FRMD6: variants seen among roughly 807,000 people sequenced by gnomAD.
FRMD6 encodes the protein FERM domain-containing protein 6.
In FRMD6, 37 loss-of-function variants were observed where a neutral mutation model predicts 73.2. That is an observed-to-expected ratio of 0.51 (90% CI 0.39 to 0.66). The LOEUF (loss-of-function observed/expected upper bound fraction) is 0.66. Among genes scored for constraint, FRMD6 ranks in the 30% least tolerant of loss-of-function variants. The pLI is 0.00. For synonymous variants in FRMD6, 273 were observed against 282.2 expected, an observed-to-expected ratio of 0.97 and a Z score of 0.33; for missense variants, 714 against 780.5, an observed-to-expected ratio of 0.91 and a Z score of 1.02.
At chr14:51,688,506 C>A (rs1296640730) in intron 1 of FRMD6, among the ~76,000 whole-genome samples, 5 of 151,996 alleles carry the variant, frequency 3.3e-5, no homozygotes, top group African/African-American at 1.2e-4. Flanking sequence ...GCAAATCGGC[C>A]AAGATTCTAT....
chr14:51,552,745 A>G (rs1203073256), intron 1 of FRMD6, among the ~76,000 whole-genome samples: 1 of 152,232 alleles, frequency 6.6e-6, no homozygotes, highest in Admixed American at 6.5e-5. Flanking sequence ...CAAGCAAAAC[A>G]AAATCCACCT....
At chr14:51,551,454 A>G (rs1886829635) in intron 1 of FRMD6, among the ~76,000 whole-genome samples, 1 of 152,184 alleles carries the variant, frequency 6.6e-6, no homozygotes, top group Non-Finnish European at 1.5e-5. Flanking sequence ...TTTATATATG[A>G]CCCAGCACAG....
intron 2 of FRMD6, among the ~76,000 whole-genome samples, chr14:51,585,957 A>ATATATATATATATATATC: frequency 2.8e-5 from 1 of 35,172 alleles, no homozygotes; most frequent in African/African-American, 6.2e-5. Context: ...ATATATATAT[A>ATATATATATATATATATC]TATAACATTT....
intron 2 of FRMD6, among the ~76,000 whole-genome samples, chr14:51,619,769 G>A (rs974775556): frequency 5.2e-4 from 79 of 152,260 alleles, no homozygotes; most frequent in African/African-American, 1.9e-3. Context: ...ATGCTTTTTG[G>A]AATATCTGAC....
intron 1 of FRMD6, among the ~76,000 whole-genome samples, chr14:51,510,168 T>A (rs1884218607): frequency 6.6e-6 from 1 of 152,200 alleles, no homozygotes; most frequent in African/African-American, 2.4e-5. Flanking sequence ...TTATGGAGTG[T>A]CTCCTACAAT....
chr14:51,536,409 AATTT>A (rs958035009), intron 1 of FRMD6, among the ~76,000 whole-genome samples: 16 of 151,504 alleles, frequency 1.1e-4, no homozygotes, highest in Admixed American at 2.0e-4. Flanking sequence ...CCATATTTTT[AATTT>A]ATTTATTTAT....
intron 1 of FRMD6, among the ~76,000 whole-genome samples, chr14:51,546,414 T>TA (rs397970617): frequency 5.3e-5 from 8 of 150,962 alleles, no homozygotes; most frequent in Non-Finnish European, 7.4e-5. Context: ...TTTCTTTTTT[T>TA]AAATAGTTCC....
chr14:51,693,556 C>T (rs1036394264), intron 2 of FRMD6, among the ~76,000 whole-genome samples: 2 of 152,134 alleles, frequency 1.3e-5, no homozygotes, highest in African/African-American at 2.4e-5. Context: ...GATAATCTTA[C>T]CCTCTGCACA....
chr14:51,650,996 G>A (rs1194848793), upstream of FRMD6: 1 of 152,592 alleles, frequency 6.6e-6, no homozygotes, highest in African/African-American at 2.4e-5. Context: ...GGTGGGCGCA[G>A]ACTGACCGGA....
chr14:51,659,212 G>C (rs1893044248), intron 1 of FRMD6, among the ~76,000 whole-genome samples: 1 of 152,144 alleles, frequency 6.6e-6, no homozygotes, highest in Non-Finnish European at 1.5e-5. Flanking sequence ...TTCCTCATCA[G>C]TAAAGTGGGA....
In FRMD6 at chr14:51,698,351, GGACT is replaced by G. The variant is rs139287449; in HGVS notation, c.190+122_190+125del. On this transcript the variant is annotated intron_variant, in intron 3 of 13. Coordinates refer to ENST00000344768, the MANE Select transcript of FRMD6 (RefSeq NM_001267046.2). ...AAACTGTGATTGTCAAAATACCCAT[GGACT>G]GATTTTCATTTTTAGTGTAGGTGTA... 2,427 of 531,364 alleles carry G rather than the reference GGACT, an allele frequency of 4.6e-3. 55 individuals are homozygous for G. The highest frequency in any genetic ancestry group is 0.042 in the African/African-American group (2,198 of 52,592). 32.9% of individuals were successfully genotyped at this position (531,364 alleles called of 1,614,324 possible).
At chr14:51,476,340 C>T in the FRMD6 span, among the ~76,000 whole-genome samples, 1 of 152,178 alleles carries the variant, frequency 6.6e-6, no homozygotes, top group Non-Finnish European at 1.5e-5. Context: ...CGTAGATTGC[C>T]TCCCAGTCTT....
intron 1 of FRMD6, among the ~76,000 whole-genome samples, chr14:51,673,683 C>T (rs1347171021): frequency 6.6e-6 from 1 of 152,086 alleles, no homozygotes; most frequent in African/African-American, 2.4e-5. Context: ...TTCAGAACTC[C>T]CCAAAACTGG....
chr14:51,525,799 T>G (rs1035832320), intron 1 of FRMD6, among the ~76,000 whole-genome samples: 1 of 152,100 alleles, frequency 6.6e-6, no homozygotes, highest in African/African-American at 2.4e-5. Flanking sequence ...TAGAAAAGAT[T>G]CATTATTTTT....
At chr14:51,512,894 G>C (rs10136258) in intron 1 of FRMD6, among the ~76,000 whole-genome samples, 7,589 of 152,232 alleles carry the variant, frequency 0.05, 410 homozygotes, top group African/African-American at 0.13. Flanking sequence ...TGGCAGCACT[G>C]ACCACTGAGG....
At chr14:51,504,693 G>C (rs1052746230) in intron 1 of FRMD6, among the ~76,000 whole-genome samples, 2 of 152,182 alleles carry the variant, frequency 1.3e-5, no homozygotes, top group Non-Finnish European at 2.9e-5. Context: ...ACACAGCTCT[G>C]TCTGGGCCCA....
At chr14:51,449,537 A>AAACAGCAG in the FRMD6 span, among the ~76,000 whole-genome samples, 5 of 152,218 alleles carry the variant, frequency 3.3e-5, no homozygotes, top group African/African-American at 1.2e-4. Flanking sequence ...AGGCCATCTG[A>AAACAGCAG]AACAGCAGGA....
At chr14:51,699,839 C>T (rs773717026) in intron 3 of FRMD6, among the ~76,000 whole-genome samples, 1 of 151,960 alleles carries the variant, frequency 6.6e-6, no homozygotes, top group Non-Finnish European at 1.5e-5. Flanking sequence ...TCAGTTTCGA[C>T]AGGAAGATTG....
At chr14:51,602,496 A>G (rs1004057613) in intron 2 of FRMD6, among the ~76,000 whole-genome samples, 3 of 152,384 alleles carry the variant, frequency 2.0e-5, no homozygotes, top group Admixed American at 1.3e-4. Flanking sequence ...AGACTATTTT[A>G]TGACACATGA....
Sources: gnomAD v4.1 joint callset for allele counts (sites outside exome capture counted in the v4.1 genomes callset) on GRCh38, gnomAD v4.1.1 for gene constraint, MANE v1.5 for transcripts, NCBI Gene and HGNC (gene_info 2026-07-23, HGNC 2026-07-21) for gene names.